CHIA: variants seen among roughly 807,000 people sequenced by gnomAD.
CHIA encodes the protein chitinase acidic.
In CHIA, 47 loss-of-function variants were observed where a neutral mutation model predicts 53.5. That is an observed-to-expected ratio of 0.88 (90% CI 0.70 to 1.12). The LOEUF (loss-of-function observed/expected upper bound fraction) is 1.12. Ranked by LOEUF, CHIA falls within the 50% of genes most tolerant of loss-of-function variation. CHIA has a pLI of 0.00. For missense variants in CHIA, 652 were observed against 592.2 expected (o/e 1.10, Z -1.05); for synonymous variants, 268 against 222.2 (o/e 1.21, Z -1.83).
intron 5 of CHIA, chr1:111,314,997 C>G: frequency 2.3e-6 from 1 of 433,040 alleles, no homozygotes; most frequent in Non-Finnish European, 4.1e-6. Context: ...GGAGGGAACA[C>G]AGTGTGCTGG....
At chr1:111,316,064 G>C in intron 6 of CHIA, 1 of 299,178 alleles carries the variant, frequency 3.3e-6, no homozygotes. Context: ...TCTGCTCTGG[G>C]GCAGGATCAG....
Position 111,319,409 on chromosome 1 carries a change from A to C in CHIA, c.1118A>C (p.Asn373Thr). ...DLDDFTGTFC[N>T]QGKFPLISTL... Reference sequence around the variant, plus strand: ...GATGACTTCACTGGCACTTTCTGCAACCAGGGCAAGTTTCCCCTAATCTCC... The same window carrying C: ...GATGACTTCACTGGCACTTTCTGCACCCAGGGCAAGTTTCCCCTAATCTCC... The change falls in exon 11 of 12, where the codon AAC becomes ACC. Residue 373 changes from asparagine (N) to threonine (T), a missense_variant. By Grantham distance (65) the Asn-to-Thr change is moderately conservative. Coordinates refer to ENST00000369740, the MANE Select transcript of CHIA (RefSeq NM_201653.4). 1 of 1,614,204 alleles carries C rather than the reference A, an allele frequency of 6.2e-7. No homozygotes were observed. Among genetic ancestry groups the C allele is most frequent in the South Asian group, 1.1e-5 (1 of 91,086 alleles).
At chr1:111,314,804 G>T (rs1649010638) in intron 5 of CHIA, 2 of 530,230 alleles carry the variant, frequency 3.8e-6, no homozygotes, top group South Asian at 5.3e-5. Context: ...GTGGACATTT[G>T]GGGGCCCTAT....
At position 111,293,288 on chromosome 1, in the gene CHIA, G is replaced by A. The variant is rs549225017; in HGVS notation, c.-69+2338G>A. ...ATAGTAGCCATCCTAGTGGATATGA[G>A]GTGATGTCTCATTGTAGATTTGATA... On this transcript the variant is annotated intron_variant, in intron 1 of 11. Transcript: ENST00000369740. Among the ~76,000 whole-genome samples the A allele has an allele frequency of 2.6e-5, 4 of 152,226 alleles. No homozygotes were observed. The East Asian group carries it at 7.7e-4, about 29-fold the overall frequency.
chr1:111,297,475 A>G (rs1647264157), intron 1 of CHIA, among the ~76,000 whole-genome samples: 1 of 152,172 alleles, frequency 6.6e-6, no homozygotes, highest in Admixed American at 6.5e-5. Context: ...CAGTCAAACT[A>G]AGCTTCATAA....
chr1:111,312,666 G>A (rs1340721000), intron 4 of CHIA, among the ~76,000 whole-genome samples: 1 of 152,158 alleles, frequency 6.6e-6, no homozygotes, highest in African/African-American at 2.4e-5. Context: ...CACTTAAAAT[G>A]TACTGTTTGC....
At chr1:111,316,689 A>G (rs1649188068) in intron 6 of CHIA, 1 of 152,184 alleles carries the variant, frequency 6.6e-6, no homozygotes, top group Non-Finnish European at 1.5e-5. Context: ...CATCAGATAA[A>G]TATCAATCTG....
At chr1:111,294,485 A>G (rs1384301027) in intron 1 of CHIA, among the ~76,000 whole-genome samples, 1 of 152,188 alleles carries the variant, frequency 6.6e-6, no homozygotes, top group African/African-American at 2.4e-5. Flanking sequence ...TTTCCTATAT[A>G]AGACCACATC....
rs765911193 is a variant in CHIA at position 111,320,300 on chromosome 1, G to A, written c.1265G>A (p.Gly422Asp). The stretch of plus-strand genomic sequence containing the variant: ...GGGAGCGGGAGTAGCAGCTCTGGAG[G>A]CAGCTCGGGAGGCAGTGGATTCTGT... ...GNGSGSSSSG[G>D]SSGGSGFCAV... The change falls in exon 12 of 12, where the codon GGC becomes GAC. Residue 422 changes from glycine to aspartate, a missense_variant. Gly to Asp is a moderately conservative substitution (Grantham distance 94). Transcript: ENST00000369740. 1.9e-6 allele frequency: 3 copies of A among 1,614,094 alleles called. No individual in the cohort carries two copies. The highest frequency in any genetic ancestry group is 8.5e-7 in the Non-Finnish European group (1 of 1,180,042).
At chr1:111,291,975 T>G (rs146599227) in intron 1 of CHIA, among the ~76,000 whole-genome samples, 2,819 of 152,160 alleles carry the variant, frequency 0.019, 78 homozygotes, top group African/African-American at 0.062. Flanking sequence ...TGCACATGTA[T>G]CACGGAACTT....
rs773493739 is a variant in CHIA, at chr1:111,318,608, G to A, written c.845G>A (p.Gly282Asp). Reference sequence around the variant, plus strand: ...AGCAACCCCTCCAACACTGGAATTGGTGCCCCCACCTCTGGTGCTGGTCCT... The same window carrying A: ...AGCAACCCCTCCAACACTGGAATTGATGCCCCCACCTCTGGTGCTGGTCCT... The part of the protein sequence containing the change: ...ILSNPSNTGI[G>D]APTSGAGPAG... Residue 282 changes from glycine (G) to aspartate (D), a missense_variant, in exon 9 of 12, where the codon GGT becomes GAT. Gly to Asp is a moderately conservative substitution (Grantham distance 94). Transcript: ENST00000369740. The A allele has an allele frequency of 6.2e-7, 1 of 1,614,016 alleles. No homozygotes were observed. The highest frequency in any genetic ancestry group is 1.1e-5 in the South Asian group (1 of 91,072).
chr1:111,307,470 C>G lies in CHIA; in HGVS notation c.-68-2930C>G, dbSNP rs1041333666. 4.5e-4 allele frequency among the ~76,000 whole-genome samples: 68 copies of G among 151,962 alleles called. 1 individual carries two copies. The highest frequency in any genetic ancestry group is 1.5e-4 in the African/African-American group (6 of 41,346). On this transcript the variant is annotated intron_variant, in intron 1 of 11. Transcript: ENST00000369740. ...CTAATGAATGTATCATTTGGGGAAA[C>G]AGACATATGTGATAATACTATAAAT... is the stretch of plus-strand genomic sequence containing the variant.
chr1:111,303,264 T>A (rs1290369809), intron 1 of CHIA, among the ~76,000 whole-genome samples: 1 of 152,112 alleles, frequency 6.6e-6, no homozygotes, highest in African/African-American at 2.4e-5. Flanking sequence ...TAATTACTGA[T>A]AAAGAGGGAA....
chr1:111,295,640 G>C (rs980551173), intron 1 of CHIA, among the ~76,000 whole-genome samples: 1 of 88,500 alleles, frequency 1.1e-5, no homozygotes, highest in Non-Finnish European at 2.7e-5. Context: ...ATCTCATTGG[G>C]ACTGGTTAGA....
In CHIA at chr1:111,318,536, A is replaced by G. The variant is rs1464769005; in HGVS notation, c.773A>G (p.Glu258Gly). 1 of 1,614,110 alleles carries G rather than the reference A, an allele frequency of 6.2e-7. No individual in the cohort carries two copies. ...TGGAAGGACAATGGAGCACCAGCTG[A>G]GAAGCTCATCGTTGGATTCCCTACC... is the stretch of plus-strand genomic sequence containing the variant. ...NYWKDNGAPA[E>G]KLIVGFPTYG... Residue 258 changes from glutamate (E) to glycine (G), a missense_variant, in exon 9 of 12, where the codon GAG becomes GGG. By Grantham distance (98) the Glu-to-Gly change is moderately conservative (BLOSUM62 -2). Coordinates refer to ENST00000369740, the MANE Select transcript of CHIA (RefSeq NM_201653.4).
chr1:111,292,145 T>C (rs186958334), intron 1 of CHIA, among the ~76,000 whole-genome samples: 1 of 152,154 alleles, frequency 6.6e-6, no homozygotes. Flanking sequence ...GGTCTTCAGA[T>C]TGGGAAAAAT....
In CHIA at chr1:111,318,030, C is replaced by G. The variant is rs1249158902; in HGVS notation, c.650C>G (p.Ser217Cys). 1.9e-6 allele frequency: 3 copies of G among 1,614,164 alleles called. No individual in the cohort carries two copies. Among genetic ancestry groups the G allele is most frequent in the Admixed American group, 1.7e-5 (1 of 60,024 alleles). ...IHVMTYDLHG[S>C]WEGYTGENSP... ...GTCATGACCTACGACCTCCATGGCT[C>G]CTGGGAGGGCTACACTGGAGAGAAC... The change falls in exon 8 of 12, where the codon TCC (serine) becomes TGC (cysteine). Residue 217 changes from serine (S) to cysteine (C), a missense_variant. Coordinates refer to ENST00000369740, the MANE Select transcript of CHIA (RefSeq NM_201653.4).
Position 111,320,254 on chromosome 1 carries a change from G to A in CHIA, c.1219G>A (p.Ala407Thr). 3 of 1,614,092 alleles carry A rather than the reference G, an allele frequency of 1.9e-6. No individual in the cohort carries two copies. The highest frequency in any genetic ancestry group is 2.5e-6 in the Non-Finnish European group (3 of 1,179,950). Residue 407 changes from alanine (A) to threonine (T), a missense_variant, in exon 12 of 12, where the codon GCT (alanine) becomes ACT (threonine). Physicochemically the swap from Ala to Thr is moderately conservative, Grantham distance 58. Coordinates refer to ENST00000369740, the MANE Select transcript of CHIA (RefSeq NM_201653.4). ...TCAGCCCATTGAGCCAATAACTGCT[G>A]CTCCCAGTGGCAGCGGGAACGGGAG... ...PAQPIEPITA[A>T]PSGSGNGSGS... is the part of the protein sequence containing the mutation.
chr1:111,313,577 C>T (rs2101642116), intron 4 of CHIA, among the ~76,000 whole-genome samples: 1 of 152,166 alleles, frequency 6.6e-6, no homozygotes, highest in African/African-American at 2.4e-5. Context: ...ATATGGTTTC[C>T]AACTATTTTC....
Sources: allele counts gnomAD v4.1 joint callset (sites outside exome capture counted in the v4.1 genomes callset), GRCh38; gene constraint gnomAD v4.1.1; transcripts MANE v1.5; gene names NCBI Gene and HGNC (gene_info 2026-07-23, HGNC 2026-07-21).